The following C8orf34 variants were observed in gnomAD, a reference collection of about 807,000 sequenced individuals.
C8orf34 encodes uncharacterized protein C8orf34.
C8orf34 carries 65 observed loss-of-function variants against 68.3 expected under a neutral mutation model. That is an observed-to-expected ratio of 0.95 (90% confidence interval 0.78 to 1.17). The LOEUF is 1.17. Among genes scored for constraint, C8orf34 ranks in the 50% most tolerant of loss-of-function variants. C8orf34 has a pLI of 0.00. For synonymous variants in C8orf34, 244 were observed against 241.2 expected (o/e 1.01, Z -0.11); for missense variants, 664 against 655.4 (o/e 1.01, Z -0.14).
chr8:68,378,344 C>T (rs1192186373), intron 1 of C8orf34, among the ~76,000 whole-genome samples: 1 of 152,090 alleles, frequency 6.6e-6, no homozygotes, highest in Non-Finnish European at 1.5e-5. Flanking sequence ...ATTTTTGAGA[C>T]AGAGTCTCAC....
At position 68,744,387 on chromosome 8, in the gene C8orf34, T is replaced by C. The variant is rs538768491; in HGVS notation, c.1404+22950T>C. Among the ~76,000 whole-genome samples the C allele has an allele frequency of 1.3e-4, 20 of 152,302 alleles. No homozygotes were observed. In the East Asian group the frequency reaches 3.5e-3, roughly 26 times the overall value. On this transcript the variant is annotated intron_variant, in intron 10 of 13. Transcript: ENST00000518698. ...CAACGGAACAAAGCTGGACGGAGAATGACTTTGACGAGCTGAGAGAAGAAG... is the reference window on the plus strand; with the variant it reads ...CAACGGAACAAAGCTGGACGGAGAACGACTTTGACGAGCTGAGAGAAGAAG...
At chr8:68,332,155 A>G (rs1805639518) in intron 1 of C8orf34, among the ~76,000 whole-genome samples, 1 of 151,624 alleles carries the variant, frequency 6.6e-6, no homozygotes, top group Non-Finnish European at 1.5e-5. Context: ...GAAGAGCGCG[A>G]GGACACGAGA....
At chr8:68,445,232 G>A (rs1432144486) in intron 2 of C8orf34, among the ~76,000 whole-genome samples, 7 of 152,160 alleles carry the variant, frequency 4.6e-5, no homozygotes, top group Non-Finnish European at 8.8e-5. Flanking sequence ...CCATTAATGT[G>A]TAATGGTGTA....
chr8:68,589,844 GAA>G (rs964040272), intron 7 of C8orf34, among the ~76,000 whole-genome samples: 2 of 134,506 alleles, frequency 1.5e-5, no homozygotes, highest in South Asian at 2.5e-4. Context: ...GAAGTAAAAA[GAA>G]AAAGAGAGAA....
chr8:68,751,000 A>G (rs1011045042), intron 10 of C8orf34, among the ~76,000 whole-genome samples: 1 of 152,150 alleles, frequency 6.6e-6, no homozygotes, highest in Non-Finnish European at 1.5e-5. Flanking sequence ...TGGATTTTAC[A>G]CTGTATTTTG....
At chr8:68,765,493 T>G (rs1034049093) in intron 10 of C8orf34, among the ~76,000 whole-genome samples, 11 of 152,224 alleles carry the variant, frequency 7.2e-5, no homozygotes, top group African/African-American at 2.7e-4. Flanking sequence ...CAAAGTGTCC[T>G]AGAGACTGTA....
intron 1 of C8orf34, among the ~76,000 whole-genome samples, chr8:68,392,669 TTAAA>T (rs1808523644): frequency 6.6e-6 from 1 of 152,058 alleles, no homozygotes; most frequent in African/African-American, 2.4e-5. Flanking sequence ...AATATTCAGA[TTAAA>T]TATATAAAAA....
intron 7 of C8orf34, among the ~76,000 whole-genome samples, chr8:68,575,486 C>T (rs556592902): frequency 1.3e-5 from 2 of 152,190 alleles, no homozygotes; most frequent in African/African-American, 4.8e-5. Context: ...GTATGTGCTA[C>T]AGATTGCAGT....
chr8:68,524,092 T>G (rs1371201934), intron 6 of C8orf34, among the ~76,000 whole-genome samples: 1 of 152,306 alleles, frequency 6.6e-6, no homozygotes, highest in East Asian at 1.9e-4. Context: ...CTTTCCTATC[T>G]CAATTTTTCT....
chr8:68,469,006 T>C (rs1812267912), intron 4 of C8orf34, among the ~76,000 whole-genome samples, 186 bp downstream of exon 4: 1 of 152,088 alleles, frequency 6.6e-6, no homozygotes, highest in Non-Finnish European at 1.5e-5. Context: ...TTGGGTAGAC[T>C]GATCACATGG....
In C8orf34 at chr8:68,818,589, A is replaced by G. The variant is rs968097374; in HGVS notation, c.*343A>G. 8 of 205,598 alleles carry G rather than the reference A, an allele frequency of 3.9e-5. No individual in the cohort carries two copies. Among genetic ancestry groups the G allele is most frequent in the Non-Finnish European group, 7.7e-5 (8 of 104,078 alleles). The allele number at this position is 205,598 out of a possible 1,614,324, so 12.7% of individuals were successfully genotyped here. On this transcript the variant is annotated 3_prime_UTR_variant, in exon 14 of 14. Coordinates refer to ENST00000518698, the MANE Select transcript of C8orf34 (RefSeq NM_052958.4). ...TTGCTTAAAATTTTTCTGTATTTTA[A>G]CTTGTCTAGGGTTTTCTACTTCTTC...
chr8:68,413,901 C>T (rs1809550513), intron 1 of C8orf34, among the ~76,000 whole-genome samples: 1 of 152,326 alleles, frequency 6.6e-6, no homozygotes, highest in Admixed American at 6.5e-5. Flanking sequence ...TTTAAAGCAA[C>T]AATTGGACTC....
intron 1 of C8orf34, among the ~76,000 whole-genome samples, chr8:68,380,141 C>T (rs1286866505): frequency 1.3e-5 from 2 of 152,184 alleles, no homozygotes; most frequent in South Asian, 2.1e-4. Context: ...GAATTATAGG[C>T]GTGAGCCACC....
intron 7 of C8orf34, among the ~76,000 whole-genome samples, chr8:68,634,583 T>A (rs1319474424): frequency 1.3e-5 from 2 of 152,326 alleles, no homozygotes; most frequent in East Asian, 1.9e-4. Flanking sequence ...CCTAGACACC[T>A]GCTCCCTTAA....
chr8:68,506,075 T>G (rs1158025933), intron 5 of C8orf34, among the ~76,000 whole-genome samples: 1 of 151,672 alleles, frequency 6.6e-6, no homozygotes, highest in African/African-American at 2.4e-5. Flanking sequence ...AGTGTTTTTG[T>G]TTTTTTTGTT....
At chr8:68,779,266 C>G (rs1344732882) in intron 11 of C8orf34, among the ~76,000 whole-genome samples, 2 of 151,414 alleles carry the variant, frequency 1.3e-5, no homozygotes, top group African/African-American at 4.9e-5. Flanking sequence ...GCGTAGTATA[C>G]TGGTTAAAAA....
At chr8:68,389,354 T>G (rs901668366) in intron 1 of C8orf34, among the ~76,000 whole-genome samples, 3 of 152,138 alleles carry the variant, frequency 2.0e-5, no homozygotes, top group African/African-American at 7.2e-5. Context: ...TGCCAAGAGT[T>G]AAATGGGGCA....
intron 4 of C8orf34, among the ~76,000 whole-genome samples, chr8:68,478,696 G>A (rs1187116943): frequency 6.6e-6 from 1 of 152,130 alleles, no homozygotes; most frequent in Non-Finnish European, 1.5e-5. Context: ...AGGAGAAGCA[G>A]GCACCTTCTT....
chr8:68,747,288 G>T (rs1008040414), intron 10 of C8orf34, among the ~76,000 whole-genome samples: 2 of 150,584 alleles, frequency 1.3e-5, no homozygotes, highest in Non-Finnish European at 3.0e-5. Context: ...ATACTGAATG[G>T]GCAAAAACTG....
Sources: gnomAD v4.1 joint callset for allele counts (sites outside exome capture counted in the v4.1 genomes callset) on GRCh38, gnomAD v4.1.1 for gene constraint, MANE v1.5 for transcripts, NCBI Gene and HGNC (gene_info 2026-07-23, HGNC 2026-07-21) for gene names.